SH3D19: variants seen among roughly 807,000 people sequenced by gnomAD.
The protein encoded by SH3D19 is SH3 domain containing 19.
A neutral mutation model predicts 112.1 loss-of-function variants in SH3D19; 58 were observed. The ratio of observed to expected loss-of-function variants is 0.52; its 90% confidence interval spans 0.42 to 0.64. The LOEUF (loss-of-function observed/expected upper bound fraction) is 0.64, where lower values mean the gene tolerates loss of function less well. Ranked by LOEUF, SH3D19 falls within the 30% of genes least tolerant of loss-of-function variation. The probability of loss-of-function intolerance (pLI) is 0.00; values close to 1 mark genes in which losing one functional copy is unlikely to be tolerated. For missense variants in SH3D19, 1,090 were observed against 1,263.4 expected (o/e 0.86, Z 2.08); for synonymous variants, 391 against 448.5 (o/e 0.87, Z 1.62).
At chr4:151,286,388 A>C (rs1774791276) in intron 1 of SH3D19, among the ~76,000 whole-genome samples, 1 of 151,282 alleles carries the variant, frequency 6.6e-6, no homozygotes, top group Non-Finnish European at 1.5e-5. Flanking sequence ...GAAATTACTA[A>C]AGTTAAAAAT....
intron 7 of SH3D19, chr4:151,170,498 A>G (rs937013470): frequency 2.0e-5 from 3 of 152,156 alleles, no homozygotes; most frequent in African/African-American, 7.2e-5. Context: ...AAAAGGAAAT[A>G]ATGCAGATAT....
At chr4:151,300,560 C>T (rs1186873139) in intron 1 of SH3D19, 2 of 150,644 alleles carry the variant, frequency 1.3e-5, no homozygotes, top group Non-Finnish European at 3.0e-5. Context: ...GGAAAGATAC[C>T]GAGATTAGCA....
intron 1 of SH3D19, among the ~76,000 whole-genome samples, chr4:151,240,846 T>A (rs1020205214): frequency 6.6e-6 from 1 of 151,948 alleles, no homozygotes; most frequent in Non-Finnish European, 1.5e-5. Context: ...CAAATATTCA[T>A]AGTAGCATTA....
intron 7 of SH3D19, chr4:151,166,123 G>C (rs571072113): frequency 6.3e-6 from 1 of 159,026 alleles, no homozygotes; most frequent in East Asian, 1.8e-4. Flanking sequence ...TTACTCCCAG[G>C]GCCCTCACCC....
At chr4:151,291,981 A>G (rs1473329095) in intron 1 of SH3D19, among the ~76,000 whole-genome samples, 1 of 152,142 alleles carries the variant, frequency 6.6e-6, no homozygotes, top group Non-Finnish European at 1.5e-5. Flanking sequence ...GCCCTGTTCC[A>G]TAAGGAGCAG....
In SH3D19 at chr4:151,176,802, G is replaced by A. The variant is rs1760019577; in HGVS notation, c.375+15C>T. The A allele has an allele frequency of 2.0e-5, 25 of 1,231,824 alleles. No individual in the cohort carries two copies. Among genetic ancestry groups the A allele is most frequent in the Non-Finnish European group, 2.4e-5 (24 of 987,646 alleles). The allele number at this position is 1,231,824 out of a possible 1,614,324, so 76.3% of individuals were successfully genotyped here. On this transcript the variant is annotated intron_variant, in intron 5 of 19. Transcript: ENST00000604030. ...AAAAAATAAAATGCAAAGAGATAAT[G>A]TAATGTTTATTCACCTCAGCAGGAA...
intron 1 of SH3D19, among the ~76,000 whole-genome samples, chr4:151,319,071 A>G (rs1219185378): frequency 6.6e-6 from 1 of 152,150 alleles, no homozygotes. Context: ...TCTTTTTGAG[A>G]CAGAGTTTCA....
At chr4:151,194,192 G>GT (rs1349140643) in intron 2 of SH3D19, among the ~76,000 whole-genome samples, 5 of 147,290 alleles carry the variant, frequency 3.4e-5, no homozygotes, top group African/African-American at 7.6e-5. Flanking sequence ...CGCCCAGCTA[G>GT]TTTTTTTGTA....
chr4:151,149,672 A>C, intron 9 of SH3D19, 111 bp from the exon 10 acceptor site: 1 of 888,716 alleles, frequency 1.1e-6, no homozygotes, highest in South Asian at 1.6e-5. Context: ...ATGCAGTTGA[A>C]TTATAGAAAG....
At chr4:151,291,988 G>T (rs1181846034) in intron 1 of SH3D19, among the ~76,000 whole-genome samples, 1 of 151,988 alleles carries the variant, frequency 6.6e-6, no homozygotes, top group Non-Finnish European at 1.5e-5. Flanking sequence ...TCCATAAGGA[G>T]CAGTAAAAAA....
intron 9 of SH3D19, among the ~76,000 whole-genome samples, chr4:151,157,921 G>A (rs2149793903): frequency 6.6e-6 from 1 of 152,284 alleles, no homozygotes; most frequent in African/African-American, 2.4e-5. Context: ...TAGAACGGAG[G>A]ATACTAGAGG....
At chr4:151,255,790 C>T (rs1340268714) in intron 1 of SH3D19, among the ~76,000 whole-genome samples, 6 of 152,332 alleles carry the variant, frequency 3.9e-5, no homozygotes, top group Admixed American at 6.5e-5. Flanking sequence ...CTCGGGAGGC[C>T]GAGGCTGGCG....
intron 17 of SH3D19, among the ~76,000 whole-genome samples, chr4:151,130,148 A>C (rs1750306516): frequency 6.6e-6 from 1 of 152,224 alleles, no homozygotes; most frequent in Non-Finnish European, 1.5e-5. Context: ...TTTGTCACAA[A>C]AAACAATGGA....
At position 151,175,240 on chromosome 4, in the gene SH3D19, G is replaced by T. The variant is rs749795350; in HGVS notation, c.964C>A (p.Leu322Ile). 1 of 1,614,218 alleles carries T rather than the reference G, an allele frequency of 6.2e-7. No homozygotes were observed. Residue 322 changes from leucine to isoleucine, a missense_variant, in exon 7 of 20, where the codon CTT (leucine) becomes ATT (isoleucine). Physicochemically the swap from Leu to Ile is conservative, Grantham distance 5. Transcript: ENST00000604030. The stretch of plus-strand genomic sequence containing the variant: ...GAGGAAACAGTAGGCTTTGGAGGAA[G>T]TGAACGTGGAGTAATTTCTGGTTTC... ...PKKPEITPRS[L>I]PPKPTVSSGK...
chr4:151,237,160 G>A (rs990805590), intron 1 of SH3D19, among the ~76,000 whole-genome samples: 7 of 152,186 alleles, frequency 4.6e-5, no homozygotes, highest in South Asian at 2.1e-4. Context: ...CGAACCCAGC[G>A]GAAGGAATGA....
At chr4:151,187,485 A>G in intron 2 of SH3D19, 22 bp from the exon 3 acceptor site, 2 of 1,217,176 alleles carry the variant, frequency 1.6e-6, no homozygotes, top group Non-Finnish European at 2.1e-6. Context: ...AAGAAAACTT[A>G]TTATACATTC....
chr4:151,132,900 C>A, intron 16 of SH3D19, 134 bp downstream of exon 16: 1 of 803,258 alleles, frequency 1.2e-6, no homozygotes. Context: ...CACACAAATT[C>A]CCATTTTAAA....
chr4:151,175,688 A>C lies in SH3D19; in HGVS notation c.530-14T>G. 2 of 1,241,648 alleles carry C rather than the reference A, an allele frequency of 1.6e-6. No individual in the cohort carries two copies. Among genetic ancestry groups the C allele is most frequent in the South Asian group, 7.9e-5 (2 of 25,200 alleles). 76.9% of individuals were successfully genotyped at this position (1,241,648 alleles called of 1,614,324 possible). A position where few individuals can be genotyped will look rare whatever the true frequency, so the allele number is the denominator to read the frequency against. ...GTGCCTGTAGTGCTGACGAGACCAA[A>C]ACAAAACCAAAACAAATAAAAACAA... On this transcript the variant is annotated splice_polypyrimidine_tract_variant and intron_variant, in intron 6 of 19. Coordinates refer to ENST00000604030, the MANE Select transcript of SH3D19 (RefSeq NM_001378122.1).
intron 7 of SH3D19, among the ~76,000 whole-genome samples, chr4:151,171,157 A>G (rs1486453124): frequency 6.6e-6 from 1 of 152,110 alleles, no homozygotes; most frequent in Non-Finnish European, 1.5e-5. Context: ...TGGGCCCTCT[A>G]AGCTCTGGAT....
Sources: allele counts gnomAD v4.1 joint callset (sites outside exome capture counted in the v4.1 genomes callset), GRCh38; gene constraint gnomAD v4.1.1; transcripts MANE v1.5; gene names NCBI Gene and HGNC (gene_info 2026-07-23, HGNC 2026-07-21).